Variants in PIK3C2G observed in about 807,000 individuals in gnomAD.
The protein encoded by PIK3C2G is phosphatidylinositol-4-phosphate 3-kinase catalytic subunit type 2 gamma, also known as phosphatidylinositol 3-kinase C2 domain-containing subunit gamma.
PIK3C2G carries 168 observed loss-of-function variants against 181.1 expected under a neutral mutation model. That is an observed-to-expected ratio of 0.93 (90% CI 0.82 to 1.05). PIK3C2G has a LOEUF of 1.05. PIK3C2G is among the 50% of genes least tolerant of loss of function. The pLI is 0.00. For synonymous variants in PIK3C2G, 573 were observed against 592.2 expected, an observed-to-expected ratio of 0.97 and a Z score of 0.47; for missense variants, 1,869 against 1,732.8, an observed-to-expected ratio of 1.08 and a Z score of -1.40.
intron 9 of PIK3C2G, among the ~76,000 whole-genome samples, chr12:18,340,711 A>T (rs529016703): frequency 1.3e-5 from 2 of 152,154 alleles, no homozygotes; most frequent in Non-Finnish European, 2.9e-5. Context: ...TGGAGTTTTA[A>T]TTTTCCTCAT....
chr12:18,685,901 GCCC>G, the PIK3C2G span, among the ~76,000 whole-genome samples: 1 of 150,100 alleles, frequency 6.7e-6, no homozygotes, highest in African/African-American at 2.5e-5. Context: ...ATAAGAGAAA[GCCC>G]TCACTTTCAG....
the PIK3C2G span, among the ~76,000 whole-genome samples, chr12:18,721,215 TA>T: frequency 1.3e-5 from 2 of 152,140 alleles, no homozygotes; most frequent in Non-Finnish European, 2.9e-5. Context: ...TTTGTTCCCT[TA>T]AAAACTACCA....
rs553444125 is a variant in PIK3C2G, at chr12:18,356,949, C to A, written c.1626-5815C>A. Among the ~76,000 whole-genome samples, 5 of 152,132 alleles carry A rather than the reference C, an allele frequency of 3.3e-5. No homozygotes were observed. The South Asian group carries it at 1.0e-3, about 32-fold the overall frequency. ...ACACGTCCTCACTTTAGGCTTCAGG[C>A]CCAGGCTTGAGGGTGAGGCTTTGCC... On this transcript the variant is annotated intron_variant, in intron 11 of 32. Coordinates refer to ENST00000538779, the MANE Select transcript of PIK3C2G (RefSeq NM_001288772.2).
intron 25 of PIK3C2G, among the ~76,000 whole-genome samples, chr12:18,543,787 C>T (rs1944288891): frequency 6.6e-6 from 1 of 151,816 alleles, no homozygotes; most frequent in Non-Finnish European, 1.5e-5. Context: ...GTTTTGGTTA[C>T]CTTAGCCTGA....
intron 31 of PIK3C2G, among the ~76,000 whole-genome samples, chr12:18,638,902 CAGAG>C (rs991854710): frequency 1.4e-5 from 2 of 137,954 alleles, no homozygotes; most frequent in African/African-American, 5.5e-5. Flanking sequence ...ACAGATAAGA[CAGAG>C]AGTTAAACAG....
intron 18 of PIK3C2G, among the ~76,000 whole-genome samples, chr12:18,469,029 C>T (rs972915340): frequency 1.3e-5 from 2 of 152,022 alleles, no homozygotes; most frequent in African/African-American, 4.8e-5. Flanking sequence ...CATCATAATC[C>T]ATCTTTGCAG....
chr12:18,325,206 G>C, intron 8 of PIK3C2G, 108 bp downstream of exon 8: 25 of 561,090 alleles, frequency 4.5e-5, no homozygotes, highest in South Asian at 1.6e-4. Flanking sequence ...GAATAAAACA[G>C]AGGATCTACA....
chr12:18,580,010 G>T (rs1004386796), intron 29 of PIK3C2G, among the ~76,000 whole-genome samples: 5 of 151,970 alleles, frequency 3.3e-5, no homozygotes, highest in African/African-American at 1.2e-4. Context: ...GCGCGCACCT[G>T]TAGTCCCAGC....
the PIK3C2G span, among the ~76,000 whole-genome samples, chr12:18,700,203 TA>T: frequency 1.3e-5 from 2 of 152,148 alleles, no homozygotes; most frequent in African/African-American, 4.8e-5. Context: ...TATTACTATT[TA>T]TTTTTTTCCT....
At chr12:18,504,229 C>G (rs2136116118) in intron 23 of PIK3C2G, among the ~76,000 whole-genome samples, 1 of 152,296 alleles carries the variant, frequency 6.6e-6, no homozygotes, top group South Asian at 2.1e-4. Flanking sequence ...ATCTATTCCA[C>G]ACTTCCATAA....
chr12:18,332,063 C>A (rs1938032041), intron 8 of PIK3C2G, among the ~76,000 whole-genome samples: 1 of 152,066 alleles, frequency 6.6e-6, no homozygotes, highest in African/African-American at 2.4e-5. Flanking sequence ...ATATTTGCAT[C>A]TATATTTATG....
intron 1 of PIK3C2G, among the ~76,000 whole-genome samples, chr12:18,256,462 T>G (rs910060296): frequency 1.3e-5 from 2 of 152,168 alleles, no homozygotes; most frequent in Non-Finnish European, 2.9e-5. Flanking sequence ...AATATTAGTT[T>G]AGGCAGGAAA....
At chr12:18,251,153 T>C (rs780254373) in intron 1 of PIK3C2G, among the ~76,000 whole-genome samples, 9 of 151,990 alleles carry the variant, frequency 5.9e-5, no homozygotes, top group Admixed American at 1.3e-4. Flanking sequence ...TAAATTGATC[T>C]GTTTTCTATG....
chr12:18,398,431 T>G (rs186248926), intron 15 of PIK3C2G, among the ~76,000 whole-genome samples: 1 of 152,296 alleles, frequency 6.6e-6, no homozygotes, highest in East Asian at 1.9e-4. Context: ...CAGTCTTTTC[T>G]TTTTACAGAT....
chr12:18,550,050 A>G (rs1352272518), intron 26 of PIK3C2G, among the ~76,000 whole-genome samples: 1 of 152,024 alleles, frequency 6.6e-6, no homozygotes, highest in Non-Finnish European at 1.5e-5. Flanking sequence ...ATTTTTAGAC[A>G]TGATTTAATG....
chr12:18,643,140 A>C (rs1455738278), intron 32 of PIK3C2G, among the ~76,000 whole-genome samples: 3 of 152,164 alleles, frequency 2.0e-5, no homozygotes, highest in Non-Finnish European at 4.4e-5. Context: ...TTTATGTATT[A>C]TAAGAAAACA....
chr12:18,578,489 C>T (rs1946339391), intron 29 of PIK3C2G, among the ~76,000 whole-genome samples: 1 of 152,112 alleles, frequency 6.6e-6, no homozygotes, highest in Non-Finnish European at 1.5e-5. Context: ...TAACTATCTG[C>T]AAGTAAGTTA....
At chr12:18,707,177 A>G in the PIK3C2G span, among the ~76,000 whole-genome samples, 1 of 152,262 alleles carries the variant, frequency 6.6e-6, no homozygotes, top group East Asian at 1.9e-4. Flanking sequence ...TACATCTACA[A>G]AGACACTTTT....
At chr12:18,381,400 T>C (rs1377304437) in intron 13 of PIK3C2G, among the ~76,000 whole-genome samples, 5 of 152,170 alleles carry the variant, frequency 3.3e-5, no homozygotes, top group African/African-American at 7.2e-5. Context: ...AGTTGACATC[T>C]TTATTGATTT....
Sources: gnomAD v4.1 joint callset for allele counts (sites outside exome capture counted in the v4.1 genomes callset) on GRCh38, gnomAD v4.1.1 for gene constraint, MANE v1.5 for transcripts, NCBI Gene and HGNC (gene_info 2026-07-23, HGNC 2026-07-21) for gene names.